The following DMD variants were observed in gnomAD, a reference collection of about 807,000 sequenced individuals.
The protein encoded by DMD is dystrophin, also known as mutant dystrophin.
DMD carries 63 observed loss-of-function variants against 330.1 expected under a neutral mutation model. The ratio of observed to expected loss-of-function variants is 0.19; its 90% CI spans 0.16 to 0.24. The LOEUF is 0.24. Ranked by LOEUF, DMD falls within the 10% of genes least tolerant of loss-of-function variation. The probability of loss-of-function intolerance (pLI) is 1.00; values close to 1 mark genes in which losing one functional copy is unlikely to be tolerated. For missense variants in DMD, 3,344 were observed against 2,684.1 expected (o/e 1.25, Z -5.43); for synonymous variants, 1,223 against 959.8 (o/e 1.27, Z -5.07).
chrX:31,692,632 A>G, intron 52 of DMD, among the ~76,000 whole-genome samples: 1 of 111,779 alleles, frequency 8.9e-6, no homozygotes. Flanking sequence ...GACTACGATG[A>G]ACAATTATAT....
At chrX:31,260,033 G>A (rs1412245286) in intron 63 of DMD, among the ~76,000 whole-genome samples, 1 of 111,470 alleles carries the variant, frequency 9.0e-6, no homozygotes. Context: ...TAAAAACACA[G>A]CCTGGGCAAC....
At chrX:31,718,876 A>G (rs28577260) in intron 52 of DMD, among the ~76,000 whole-genome samples, 15,444 of 111,557 alleles carry the variant, frequency 0.14, 907 homozygotes, top group Admixed American at 0.31. Flanking sequence ...ACACCAAACT[A>G]GTATGGAAGT....
At chrX:33,234,391 CTGTG>C (rs1003424329) in intron 1 of DMD, among the ~76,000 whole-genome samples, 3 of 109,871 alleles carry the variant, frequency 2.7e-5, no homozygotes, top group Admixed American at 2.0e-4. Flanking sequence ...GTGTGTGTGT[CTGTG>C]TGTATTTGTG....
At chrX:33,057,364 G>T (rs1310089000) in intron 1 of DMD, among the ~76,000 whole-genome samples, 1 of 111,658 alleles carries the variant, frequency 9.0e-6, no homozygotes, top group African/African-American at 3.3e-5. Context: ...TAAAAGACTG[G>T]TTCTGTTTTA....
chrX:32,118,352 T>C (rs2096619956), intron 44 of DMD, among the ~76,000 whole-genome samples: 1 of 111,395 alleles, frequency 9.0e-6, no homozygotes, highest in Admixed American at 9.5e-5. Flanking sequence ...CCCTCCATCA[T>C]AGTTCAAAAG....
At chrX:32,782,005 AATT>A (rs900183959) in intron 7 of DMD, among the ~76,000 whole-genome samples, 2 of 111,528 alleles carry the variant, frequency 1.8e-5, no homozygotes, top group Non-Finnish European at 3.8e-5. Flanking sequence ...GTAAGAAAAA[AATT>A]ATTATTGTTG....
chrX:31,887,741 C>T (rs995348903), intron 47 of DMD, among the ~76,000 whole-genome samples: 2 of 111,576 alleles, frequency 1.8e-5, no homozygotes, highest in African/African-American at 6.5e-5. Flanking sequence ...TTTTACTGTT[C>T]TCTTCCAACT....
chrX:32,036,673 G>A (rs149058642), intron 44 of DMD, among the ~76,000 whole-genome samples: 15,656 of 110,631 alleles, frequency 0.14, 1,011 homozygotes, highest in Non-Finnish European at 0.2. Flanking sequence ...GATTTGGGCT[G>A]GAATTATAGC....
chrX:31,630,807 C>T (rs1197765198), intron 54 of DMD, among the ~76,000 whole-genome samples: 1 of 111,336 alleles, frequency 9.0e-6, no homozygotes, highest in Non-Finnish European at 1.9e-5. Context: ...TTACAAGTAA[C>T]AATGACCAGA....
intron 1 of DMD, among the ~76,000 whole-genome samples, chrX:33,048,455 C>T (rs1385999357): frequency 3.6e-5 from 4 of 109,598 alleles, no homozygotes; most frequent in Non-Finnish European, 7.6e-5. Context: ...TTTGGGAGGC[C>T]GAGGCGGGTG....
chrX:31,855,935 T>C (rs913770323), intron 48 of DMD, among the ~76,000 whole-genome samples: 2 of 112,065 alleles, frequency 1.8e-5, no homozygotes, highest in Admixed American at 1.9e-4. Flanking sequence ...TATACACTTA[T>C]AACTCATGAT....
chrX:32,743,076 C>T (rs965390142), intron 7 of DMD, among the ~76,000 whole-genome samples: 1 of 111,414 alleles, frequency 9.0e-6, no homozygotes. Flanking sequence ...CCAGCTCCTG[C>T]ATCTCTTTGC....
At chrX:32,409,855 A>G (rs1316391449) in intron 30 of DMD, among the ~76,000 whole-genome samples, 1 of 111,406 alleles carries the variant, frequency 9.0e-6, no homozygotes, top group Non-Finnish European at 1.9e-5. Flanking sequence ...CAATTCAGAA[A>G]CAATTACTCA....
At chrX:32,120,739 G>A (rs897651986) in intron 44 of DMD, among the ~76,000 whole-genome samples, 1 of 112,008 alleles carries the variant, frequency 8.9e-6, no homozygotes, top group African/African-American at 3.2e-5. Flanking sequence ...AAATTCAGTT[G>A]GGATTATTTA....
intron 44 of DMD, among the ~76,000 whole-genome samples, chrX:32,045,378 C>T (rs1260224333): frequency 9.7e-6 from 1 of 103,093 alleles, no homozygotes; most frequent in African/African-American, 3.6e-5. Context: ...TGGCAACCTC[C>T]CCCTGGCTTC....
intron 32 of DMD, among the ~76,000 whole-genome samples, chrX:32,387,268 A>C (rs763094199): frequency 3.2e-4 from 36 of 110,806 alleles, no homozygotes; most frequent in African/African-American, 1.1e-3. Flanking sequence ...CTCCAACACC[A>C]CTTGATGTCT....
At chrX:32,596,760 T>A (rs964579034) in intron 12 of DMD, among the ~76,000 whole-genome samples, 1 of 110,267 alleles carries the variant, frequency 9.1e-6, no homozygotes, top group Non-Finnish European at 1.9e-5. Flanking sequence ...TTGGCCAGGC[T>A]GCTCTCAAAC....
chrX:31,169,627 G>T, intron 73 of DMD, 26 bp from the exon 74 acceptor site: 7 of 1,177,324 alleles, frequency 5.9e-6, no homozygotes, highest in Middle Eastern at 2.9e-4. Flanking sequence ...AAAGGTTTTG[G>T]TTTTTTCCCC....
intron 43 of DMD, among the ~76,000 whole-genome samples, chrX:32,229,239 A>G (rs1452598148): frequency 9.0e-6 from 1 of 110,691 alleles, no homozygotes; most frequent in Non-Finnish European, 1.9e-5. Context: ...CTGATCATGA[A>G]ATTTATATTT....
Sources: allele counts gnomAD v4.1 joint callset (sites outside exome capture counted in the v4.1 genomes callset), GRCh38; gene constraint gnomAD v4.1.1; transcripts MANE v1.5; gene names NCBI Gene and HGNC (gene_info 2026-07-23, HGNC 2026-07-21).